The following PCDH15 variants were observed in gnomAD, a reference collection of about 807,000 sequenced individuals.
PCDH15 encodes the protein protocadherin related 15, also known as protocadherin-15.
In PCDH15, 129 loss-of-function variants were observed where a neutral mutation model predicts 178.5. The observed-to-expected ratio is 0.72, with a 90% CI of 0.63 to 0.84. The LOEUF (loss-of-function observed/expected upper bound fraction) is 0.84. Ranked by LOEUF, PCDH15 falls within the 40% of genes least tolerant of loss-of-function variation. PCDH15 has a pLI of 0.00. For missense variants in PCDH15, 2,230 were observed against 2,099.9 expected (o/e 1.06, Z -1.21); for synonymous variants, 800 against 732.0 (o/e 1.09, Z -1.50).
intron 25 of PCDH15, among the ~76,000 whole-genome samples, chr10:53,906,577 T>C (rs1265377675): frequency 6.6e-6 from 1 of 152,178 alleles, no homozygotes; most frequent in African/African-American, 2.4e-5. Flanking sequence ...CTTTCTTTGA[T>C]TATAATCATG....
chr10:55,609,524 A>G (rs1196781816), intron 2 of PCDH15, among the ~76,000 whole-genome samples: 1 of 152,152 alleles, frequency 6.6e-6, no homozygotes, highest in African/African-American at 2.4e-5. Context: ...AGATCTTTAT[A>G]TCTCCCTGTG....
chr10:54,451,571 A>T (rs1264800550), intron 3 of PCDH15, among the ~76,000 whole-genome samples: 2 of 151,940 alleles, frequency 1.3e-5, no homozygotes, highest in Admixed American at 1.3e-4. Flanking sequence ...CTTAAATAGA[A>T]CTGAAGGTGA....
intron 2 of PCDH15, among the ~76,000 whole-genome samples, chr10:55,361,729 T>G (rs1845234711): frequency 2.6e-5 from 4 of 152,070 alleles, no homozygotes; most frequent in African/African-American, 9.6e-5. Context: ...GGTGAAGGAG[T>G]TTTTACTGTC....
intron 2 of PCDH15, among the ~76,000 whole-genome samples, chr10:55,528,347 G>A (rs1841354155): frequency 6.6e-6 from 1 of 151,762 alleles, no homozygotes; most frequent in Non-Finnish European, 1.5e-5. Flanking sequence ...ATTTACATTA[G>A]GCATATCTCC....
At chr10:55,111,503 A>C (rs2132056393) in intron 2 of PCDH15, among the ~76,000 whole-genome samples, 1 of 152,300 alleles carries the variant, frequency 6.6e-6, no homozygotes, top group South Asian at 2.1e-4. Flanking sequence ...TTTTATGCTT[A>C]ACTCAATTGG....
intron 18 of PCDH15, among the ~76,000 whole-genome samples, chr10:54,052,933 C>G (rs190308432): frequency 6.6e-6 from 1 of 152,160 alleles, no homozygotes; most frequent in Non-Finnish European, 1.5e-5. Context: ...TTCCCCGCTT[C>G]GCTCTGAACC....
Position 54,527,807 on chromosome 10 carries a change from C to T in PCDH15, c.157+5G>A, listed in dbSNP as rs749436571. ...AGACATTTGTAAAATAAAAAACTCA[C>T]TTACCATTCCGACTTTCTTCATCAA... On this transcript the variant is annotated splice_donor_5th_base_variant and intron_variant, in intron 3 of 37. Transcript: ENST00000644397. The T allele has an allele frequency of 1.9e-6, 3 of 1,602,688 alleles. No homozygotes were observed. Among genetic ancestry groups the T allele is most frequent in the Non-Finnish European group, 2.6e-6 (3 of 1,171,692 alleles).
chr10:55,627,075 T>C (rs1837544231), intron 2 of PCDH15, among the ~76,000 whole-genome samples: 1 of 151,950 alleles, frequency 6.6e-6, no homozygotes, highest in African/African-American at 2.4e-5. Context: ...ATGAGAGAGA[T>C]AAAGGAGAGA....
chr10:53,842,503 T>A (rs1289105860), intron 28 of PCDH15, among the ~76,000 whole-genome samples: 1 of 152,174 alleles, frequency 6.6e-6, no homozygotes, highest in Admixed American at 6.5e-5. Flanking sequence ...CGCCTCGGCC[T>A]TTCAAAGTGC....
intron 2 of PCDH15, among the ~76,000 whole-genome samples, chr10:55,002,889 G>T (rs1839825674): frequency 6.6e-6 from 1 of 152,190 alleles, no homozygotes; most frequent in African/African-American, 2.4e-5. Context: ...TTTTCTTGGA[G>T]CATTCATCTG....
At chr10:53,904,948 TGATGACGTATATTTTCTTCTTTAAATGG>T (rs2082572751) in intron 25 of PCDH15, among the ~76,000 whole-genome samples, 1 of 152,192 alleles carries the variant, frequency 6.6e-6, no homozygotes, top group Non-Finnish European at 1.5e-5. Flanking sequence ...GGAAAAATAC[TGATGACGTATATTTTCTTCTTTAAATGG>T]GATGAGTCAT....
intron 1 of PCDH15, among the ~76,000 whole-genome samples, chr10:54,674,037 T>C (rs2094732210): frequency 6.6e-6 from 1 of 152,154 alleles, no homozygotes; most frequent in Admixed American, 6.5e-5. Flanking sequence ...TTTCTACACT[T>C]TATTTTCTAC....
chr10:54,118,247 A>C (rs2095150157), intron 15 of PCDH15, among the ~76,000 whole-genome samples: 1 of 152,214 alleles, frequency 6.6e-6, no homozygotes. Context: ...ACACATCTGC[A>C]GCCATCTGAT....
chr10:54,573,017 T>A (rs2090022629), intron 2 of PCDH15, among the ~76,000 whole-genome samples: 2 of 152,142 alleles, frequency 1.3e-5, no homozygotes, highest in Non-Finnish European at 2.9e-5. Context: ...CCTCATATTC[T>A]AGTTGACAAT....
intron 1 of PCDH15, among the ~76,000 whole-genome samples, chr10:54,776,013 A>G (rs1401661518): frequency 1.3e-5 from 2 of 152,178 alleles, no homozygotes; most frequent in African/African-American, 2.4e-5. Context: ...GCTTCTGCAT[A>G]TGAGTAAGAC....
At chr10:55,241,101 A>T (rs1318628429) in intron 1 of PCDH15, among the ~76,000 whole-genome samples, 1 of 152,122 alleles carries the variant, frequency 6.6e-6, no homozygotes, top group Admixed American at 6.5e-5. Flanking sequence ...CTGTAGTCCC[A>T]GCTACTCAGG....
At chr10:54,193,079 T>C (rs1052331986) in intron 11 of PCDH15, among the ~76,000 whole-genome samples, 5 of 152,198 alleles carry the variant, frequency 3.3e-5, no homozygotes, top group African/African-American at 7.2e-5. Context: ...GAGCATTTCA[T>C]AGACTAACTG....
upstream of PCDH15, among the ~76,000 whole-genome samples, chr10:54,801,508 T>A (rs575714427): frequency 1.3e-5 from 2 of 152,208 alleles, no homozygotes; most frequent in African/African-American, 4.8e-5. Context: ...GATTCTCTGT[T>A]CTGTTTTGTG....
At chr10:54,637,461 G>A (rs1428551194) in intron 2 of PCDH15, among the ~76,000 whole-genome samples, 1 of 151,976 alleles carries the variant, frequency 6.6e-6, no homozygotes, top group African/African-American at 2.4e-5. Context: ...TCTGGAGACA[G>A]CCCTGTTCCT....
Sources: allele counts gnomAD v4.1 joint callset (sites outside exome capture counted in the v4.1 genomes callset), GRCh38; gene constraint gnomAD v4.1.1; transcripts MANE v1.5; gene names NCBI Gene and HGNC (gene_info 2026-07-23, HGNC 2026-07-21).